Variants in GALNT13 observed in about 807,000 individuals in gnomAD.
GALNT13 encodes polypeptide N-acetylgalactosaminyltransferase 13.
A neutral mutation model predicts 64.2 loss-of-function variants in GALNT13; 28 were observed. That is an observed-to-expected ratio of 0.44 (90% confidence interval 0.32 to 0.60). GALNT13 has a LOEUF of 0.60. Ranked by LOEUF, GALNT13 falls within the 20% of genes least tolerant of loss-of-function variation. The pLI is 0.05. For synonymous variants in GALNT13, 214 were observed against 224.6 expected (o/e 0.95, Z 0.42); for missense variants, 577 against 669.8 (o/e 0.86, Z 1.53).
At chr2:153,801,713 C>G in the GALNT13 span, among the ~76,000 whole-genome samples, 1 of 152,032 alleles carries the variant, frequency 6.6e-6, no homozygotes, top group South Asian at 2.1e-4. Context: ...GAACTGAGCA[C>G]CCATTGTTGG....
At chr2:153,862,755 G>A in the GALNT13 span, among the ~76,000 whole-genome samples, 6 of 151,648 alleles carry the variant, frequency 4.0e-5, no homozygotes, top group African/African-American at 7.3e-5. Flanking sequence ...TTTCATATAC[G>A]TAAGATAATT....
chr2:154,376,510 A>C (rs1310978003), intron 9 of GALNT13, among the ~76,000 whole-genome samples: 2 of 152,142 alleles, frequency 1.3e-5, no homozygotes, highest in Non-Finnish European at 2.9e-5. Flanking sequence ...AAACAAATTT[A>C]GTTAATAAAT....
chr2:154,427,535 A>G (rs1367274249), intron 11 of GALNT13, among the ~76,000 whole-genome samples: 1 of 152,214 alleles, frequency 6.6e-6, no homozygotes, highest in Non-Finnish European at 1.5e-5. Context: ...AGTGCAAATT[A>G]AGCATCACAT....
the GALNT13 span, among the ~76,000 whole-genome samples, chr2:153,737,016 G>A: frequency 6.6e-6 from 1 of 152,238 alleles, no homozygotes; most frequent in African/African-American, 2.4e-5. Context: ...GCCCACTTGG[G>A]ATCCAATATT....
the GALNT13 span, among the ~76,000 whole-genome samples, chr2:153,827,872 C>G: frequency 1.3e-5 from 2 of 152,170 alleles, no homozygotes; most frequent in South Asian, 4.1e-4. Context: ...TAGTTATTTT[C>G]TAGATACAAT....
chr2:153,763,517 C>T, the GALNT13 span, among the ~76,000 whole-genome samples: 1 of 152,182 alleles, frequency 6.6e-6, no homozygotes, highest in African/African-American at 2.4e-5. Context: ...TGCCCAGGCT[C>T]TCTTGCCTGC....
the GALNT13 span, among the ~76,000 whole-genome samples, chr2:153,471,419 T>A: frequency 1.3e-5 from 2 of 152,032 alleles, no homozygotes; most frequent in Non-Finnish European, 2.9e-5. Flanking sequence ...TTTGCAATCA[T>A]TCCAAGACTC....
chr2:154,002,902 G>T (rs1375380505), intron 3 of GALNT13, among the ~76,000 whole-genome samples: 69 of 152,274 alleles, frequency 4.5e-4, no homozygotes, highest in Non-Finnish European at 1.5e-4. Context: ...CTTACTCACT[G>T]CCCTTCTGCT....
the GALNT13 span, among the ~76,000 whole-genome samples, chr2:153,221,762 C>T: frequency 6.6e-6 from 1 of 152,176 alleles, no homozygotes; most frequent in Non-Finnish European, 1.5e-5. Flanking sequence ...GCTACTGTGA[C>T]AGGGCGGGCA....
chr2:153,515,686 T>C, the GALNT13 span, among the ~76,000 whole-genome samples: 1 of 152,182 alleles, frequency 6.6e-6, no homozygotes, highest in African/African-American at 2.4e-5. Context: ...TTAGTGGTGG[T>C]ACCCAGTGCA....
chr2:153,172,842 G>A, the GALNT13 span, among the ~76,000 whole-genome samples: 7 of 152,114 alleles, frequency 4.6e-5, no homozygotes, highest in Non-Finnish European at 8.8e-5. Flanking sequence ...ACATCCCTAA[G>A]AGATGATCTA....
chr2:153,338,670 T>C, the GALNT13 span, among the ~76,000 whole-genome samples: 1 of 152,214 alleles, frequency 6.6e-6, no homozygotes. Flanking sequence ...TTCAAGTTTA[T>C]GATATATTGT....
intron 8 of GALNT13, among the ~76,000 whole-genome samples, chr2:154,265,938 G>A (rs1690971072): frequency 6.6e-6 from 1 of 152,176 alleles, no homozygotes; most frequent in Non-Finnish European, 1.5e-5. Context: ...GTTCATTGCA[G>A]AAATGCAAGG....
chr2:153,672,571 G>A, the GALNT13 span, among the ~76,000 whole-genome samples: 1 of 152,032 alleles, frequency 6.6e-6, no homozygotes, highest in Non-Finnish European at 1.5e-5. Flanking sequence ...GGGGAAATTT[G>A]TAGCACTAAA....
At chr2:153,109,620 A>G in the GALNT13 span, among the ~76,000 whole-genome samples, 3 of 152,168 alleles carry the variant, frequency 2.0e-5, no homozygotes, top group Non-Finnish European at 4.4e-5. Flanking sequence ...ACATACCTGC[A>G]TGACTGATCT....
intron 10 of GALNT13, among the ~76,000 whole-genome samples, chr2:154,401,731 G>A (rs1054991344): frequency 1.3e-5 from 2 of 152,046 alleles, no homozygotes; most frequent in African/African-American, 4.8e-5. Context: ...CAGGATTTTG[G>A]TTGTCACTGT....
chr2:153,367,754 A>G, the GALNT13 span, among the ~76,000 whole-genome samples: 1 of 152,118 alleles, frequency 6.6e-6, no homozygotes, highest in East Asian at 1.9e-4. Context: ...TTACAGCAGC[A>G]ATAATAATAG....
the GALNT13 span, among the ~76,000 whole-genome samples, chr2:153,122,692 G>T: frequency 6.6e-6 from 1 of 152,128 alleles, no homozygotes; most frequent in Non-Finnish European, 1.5e-5. Flanking sequence ...TGCAGAGCTG[G>T]TCCAACCAGC....
the GALNT13 span, among the ~76,000 whole-genome samples, chr2:153,734,140 T>C: frequency 6.6e-6 from 1 of 152,158 alleles, no homozygotes; most frequent in Non-Finnish European, 1.5e-5. Flanking sequence ...TGGCTTCTGG[T>C]GGCCCCCGTG....
Sources: gnomAD v4.1 joint callset for allele counts (sites outside exome capture counted in the v4.1 genomes callset) on GRCh38, gnomAD v4.1.1 for gene constraint, MANE v1.5 for transcripts, NCBI Gene and HGNC (gene_info 2026-07-23, HGNC 2026-07-21) for gene names.